RFFL: variants seen among roughly 807,000 people sequenced by gnomAD.
RFFL encodes ring finger and FYVE like domain containing E3 ubiquitin protein ligase.
RFFL carries 16 observed loss-of-function variants against 40.4 expected under a neutral mutation model. The observed-to-expected ratio is 0.40, with a 90% CI of 0.27 to 0.60. RFFL has a LOEUF of 0.60. RFFL is among the 20% of genes least tolerant of loss of function. The pLI, the probability that RFFL is intolerant of heterozygous loss-of-function variation, is 0.47. For missense variants in RFFL, 367 were observed against 451.7 expected, an observed-to-expected ratio of 0.81 and a Z score of 1.70; for synonymous variants, 154 against 167.9, an observed-to-expected ratio of 0.92 and a Z score of 0.64.
intron 1 of RFFL, among the ~76,000 whole-genome samples, chr17:35,058,327 G>GT (rs1201945711): frequency 6.6e-6 from 1 of 152,140 alleles, no homozygotes; most frequent in Non-Finnish European, 1.5e-5. Flanking sequence ...CACTGGTCTG[G>GT]TACCTAGGAG....
At chr17:35,064,899 CACTT>C (rs2091312547), upstream of RFFL, among the ~76,000 whole-genome samples, 1 of 152,220 alleles carries the variant, frequency 6.6e-6, no homozygotes, top group African/African-American at 2.4e-5. Flanking sequence ...TTATCCAACT[CACTT>C]AATTCTCCTT....
chr17:35,041,990 G>C (rs2091169306), intron 1 of RFFL, among the ~76,000 whole-genome samples: 2 of 152,040 alleles, frequency 1.3e-5, no homozygotes, highest in African/African-American at 4.8e-5. Flanking sequence ...ACTCCAGCCT[G>C]GGCCACAGAG....
At chr17:35,038,555 G>T (rs971612561) in intron 1 of RFFL, among the ~76,000 whole-genome samples, 21 of 152,302 alleles carry the variant, frequency 1.4e-4, no homozygotes, top group Middle Eastern at 3.4e-3. Context: ...TCCATCAACG[G>T]TAGAATTATG....
chr17:35,017,727 C>A, intron 3 of RFFL, 121 bp from the exon 4 acceptor site: 1 of 677,138 alleles, frequency 1.5e-6, no homozygotes, highest in South Asian at 1.6e-5. Context: ...AAATCCGGAG[C>A]CTCTTACAGC....
intron 1 of RFFL, among the ~76,000 whole-genome samples, chr17:35,037,684 C>T (rs904487906): frequency 6.6e-6 from 1 of 152,172 alleles, no homozygotes; most frequent in Non-Finnish European, 1.5e-5. Context: ...TTAAAGGTCA[C>T]AGCTAGAGGA....
chr17:35,086,527 T>C (rs913667496), intron 1 of RFFL, among the ~76,000 whole-genome samples: 1 of 151,716 alleles, frequency 6.6e-6, no homozygotes, highest in African/African-American at 2.4e-5. Flanking sequence ...AAAATCTTTC[T>C]TACACAAACA....
chr17:35,071,447 G>C (rs1203328443), intron 1 of RFFL, among the ~76,000 whole-genome samples: 1 of 151,680 alleles, frequency 6.6e-6, no homozygotes, highest in African/African-American at 2.4e-5. Context: ...GTGAAACCCT[G>C]TCTCTACTAA....
chr17:35,050,938 C>T (rs1184805568), intron 1 of RFFL, among the ~76,000 whole-genome samples: 1 of 151,962 alleles, frequency 6.6e-6, no homozygotes, highest in Non-Finnish European at 1.5e-5. Context: ...TGCCATTGCA[C>T]TCCAGCCTGG....
chr17:35,023,603 C>G (rs542593416), intron 2 of RFFL, among the ~76,000 whole-genome samples: 9 of 152,334 alleles, frequency 5.9e-5, no homozygotes, highest in African/African-American at 2.2e-4. Flanking sequence ...GAAATGAAGT[C>G]TGTTTAGGAT....
chr17:35,077,975 T>C (rs1294106711), intron 1 of RFFL, among the ~76,000 whole-genome samples: 5 of 152,232 alleles, frequency 3.3e-5, no homozygotes, highest in Non-Finnish European at 7.3e-5. Context: ...CTCTTGACTT[T>C]TCTGTGCTTT....
chr17:35,057,588 A>G (rs1293726300), intron 1 of RFFL, among the ~76,000 whole-genome samples: 5 of 150,578 alleles, frequency 3.3e-5, no homozygotes, highest in Admixed American at 2.7e-4. Context: ...CCAAAAGTGA[A>G]TATCTGGAAT....
At chr17:35,065,783 A>G (rs2091317978), upstream of RFFL, among the ~76,000 whole-genome samples, 1 of 152,150 alleles carries the variant, frequency 6.6e-6, no homozygotes, top group African/African-American at 2.4e-5. Flanking sequence ...GCCACACTCC[A>G]TCCTAGTTCT....
At chr17:35,064,549 C>CA (rs752636374), upstream of RFFL, among the ~76,000 whole-genome samples, 830 of 68,658 alleles carry the variant, frequency 0.012, 2 homozygotes, top group South Asian at 0.032. Flanking sequence ...TGGTGTTATA[C>CA]AAAAAAAAAA....
chr17:35,077,540 A>T (rs1410266242), intron 1 of RFFL, among the ~76,000 whole-genome samples: 1 of 152,212 alleles, frequency 6.6e-6, no homozygotes, highest in African/African-American at 2.4e-5. Flanking sequence ...ACCCTTACAA[A>T]GCTGGTCCTT....
rs917919492 is a variant in RFFL at position 35,010,063 on chromosome 17, C to T, written c.*1905G>A. The stretch of plus-strand genomic sequence containing the variant: ...CTTTGTATAACATTGAGGTAAGTGG[C>T]CCAGTGTTCAGTTGACTAGTTTATG... On this transcript the variant is annotated 3_prime_UTR_variant, in exon 7 of 7. Transcript: ENST00000394597. 3 of 152,302 alleles carry T rather than the reference C, an allele frequency of 2.0e-5. No individual in the cohort carries two copies. The highest frequency in any genetic ancestry group is 4.4e-5 in the Non-Finnish European group (3 of 68,046). 9.4% of individuals were successfully genotyped at this position (152,302 alleles called of 1,614,324 possible).
intron 1 of RFFL, among the ~76,000 whole-genome samples, chr17:35,087,150 A>G (rs1265985953): frequency 6.6e-6 from 1 of 152,176 alleles, no homozygotes; most frequent in Admixed American, 6.5e-5. Flanking sequence ...GCTTGAGCCC[A>G]GTTCATGACG....
intron 1 of RFFL, among the ~76,000 whole-genome samples, chr17:35,035,320 A>C (rs1454391339): frequency 6.6e-6 from 1 of 151,906 alleles, no homozygotes; most frequent in Non-Finnish European, 1.5e-5. Flanking sequence ...GAGGCAGGAG[A>C]ATCACTTGAA....
chr17:35,073,642 G>T (rs1345966328), intron 1 of RFFL, among the ~76,000 whole-genome samples: 2 of 152,212 alleles, frequency 1.3e-5, no homozygotes, highest in South Asian at 4.2e-4. Flanking sequence ...ACTGAAAATG[G>T]TATATCACCA....
intron 1 of RFFL, among the ~76,000 whole-genome samples, chr17:35,037,731 C>A (rs1215881910): frequency 6.6e-6 from 1 of 152,108 alleles, no homozygotes; most frequent in East Asian, 1.9e-4. Flanking sequence ...TCACTTAGAC[C>A]CTGAAGCGTA....
Sources: allele counts gnomAD v4.1 joint callset (sites outside exome capture counted in the v4.1 genomes callset), GRCh38; gene constraint gnomAD v4.1.1; transcripts MANE v1.5; gene names NCBI Gene and HGNC (gene_info 2026-07-23, HGNC 2026-07-21).